The following DISC1 variants were observed in gnomAD, a reference collection of about 807,000 sequenced individuals.
DISC1 encodes disrupted in schizophrenia 1 protein.
A neutral mutation model predicts 84.5 loss-of-function variants in DISC1; 57 were observed. The ratio of observed to expected loss-of-function variants is 0.67; its 90% CI spans 0.55 to 0.84. The LOEUF (loss-of-function observed/expected upper bound fraction) is 0.84. Ranked by LOEUF, DISC1 falls within the 40% of genes least tolerant of loss-of-function variation. DISC1 has a pLI of 0.00. For synonymous variants in DISC1, 411 were observed against 415.2 expected (o/e 0.99, Z 0.12); for missense variants, 1,000 against 1,057.8 (o/e 0.95, Z 0.76).
At chr1:231,919,308 T>C (rs547388148) in intron 9 of DISC1, among the ~76,000 whole-genome samples, 1 of 152,336 alleles carries the variant, frequency 6.6e-6, no homozygotes, top group Non-Finnish European at 1.5e-5. Context: ...GAAACACCAT[T>C]CATTTGTGTT....
chr1:231,950,094 T>C (rs1174965580), intron 9 of DISC1, among the ~76,000 whole-genome samples: 3 of 152,188 alleles, frequency 2.0e-5, no homozygotes, highest in Non-Finnish European at 2.9e-5. Context: ...CAAGTGTGGA[T>C]TGGGGCTTGT....
chr1:231,839,254 G>A (rs2082850599), intron 9 of DISC1, among the ~76,000 whole-genome samples: 1 of 152,150 alleles, frequency 6.6e-6, no homozygotes, highest in Non-Finnish European at 1.5e-5. Context: ...TAGCAGCTGT[G>A]TAACTTTGGG....
chr1:231,904,367 T>C (rs1289176592), intron 9 of DISC1, among the ~76,000 whole-genome samples: 1 of 152,134 alleles, frequency 6.6e-6, no homozygotes, highest in Admixed American at 6.5e-5. Context: ...TAGTCCTAAA[T>C]ATATTAGGTC....
intron 9 of DISC1, among the ~76,000 whole-genome samples, chr1:231,906,312 A>G (rs2088634874): frequency 6.6e-6 from 1 of 152,192 alleles, no homozygotes; most frequent in African/African-American, 2.4e-5. Flanking sequence ...ATGAGTCACC[A>G]TGCCCGGTCA....
intron 9 of DISC1, among the ~76,000 whole-genome samples, chr1:231,956,098 A>T (rs1307955506): frequency 6.6e-6 from 1 of 152,062 alleles, no homozygotes. Context: ...CTGCCCCCCA[A>T]TGTGGAGGGA....
intron 11 of DISC1, among the ~76,000 whole-genome samples, chr1:232,014,367 C>T (rs1043162479): frequency 6.6e-6 from 1 of 152,184 alleles, no homozygotes; most frequent in African/African-American, 2.4e-5. Context: ...TGTTCACTTA[C>T]CCATCAGCTG....
intron 8 of DISC1, among the ~76,000 whole-genome samples, chr1:231,802,351 T>C (rs1329196472): frequency 1.3e-5 from 2 of 152,174 alleles, no homozygotes; most frequent in African/African-American, 2.4e-5. Flanking sequence ...CCTGCATTCA[T>C]TCTTCTTGCC....
rs557284394 is a variant in DISC1 at position 231,986,621 on chromosome 1, A to G, written c.2043-22164A>G. 1.3e-3 allele frequency among the ~76,000 whole-genome samples: 196 copies of G among 152,318 alleles called. 1 individual carries two copies. Among genetic ancestry groups the G allele is most frequent in the East Asian group, 4.6e-3 (24 of 5,182 alleles). On this transcript the variant is annotated intron_variant, in intron 10 of 12. Coordinates refer to ENST00000439617, the MANE Select transcript of DISC1 (RefSeq NM_018662.3). The stretch of plus-strand genomic sequence containing the variant: ...ACAGAGAAGTAAATATTTGCTACAA[A>G]ATGTCTTTCTGCTGCCTTGAAAATG...
chr1:231,947,973 G>A (rs1301482178), intron 9 of DISC1, among the ~76,000 whole-genome samples: 1 of 152,204 alleles, frequency 6.6e-6, no homozygotes, highest in Non-Finnish European at 1.5e-5. Flanking sequence ...TGCTGGAGAG[G>A]GAGTGGGGAA....
intron 1 of DISC1, among the ~76,000 whole-genome samples, chr1:231,686,107 T>C (rs2064239832): frequency 6.6e-6 from 1 of 152,172 alleles, no homozygotes; most frequent in African/African-American, 2.4e-5. Flanking sequence ...CCAGCTGCTT[T>C]CACAGGTTGG....
At chr1:231,747,826 G>T (rs557545684) in intron 3 of DISC1, among the ~76,000 whole-genome samples, 1 of 152,062 alleles carries the variant, frequency 6.6e-6, no homozygotes, top group East Asian at 1.9e-4. Context: ...GATAGAGATT[G>T]CACTGTTATT....
At chr1:231,842,970 T>C (rs1346566536) in intron 9 of DISC1, among the ~76,000 whole-genome samples, 1 of 152,178 alleles carries the variant, frequency 6.6e-6, no homozygotes, top group African/African-American at 2.4e-5. Context: ...AGTGAGCCAC[T>C]ACGTGCCGGG....
At chr1:231,720,868 A>G in intron 3 of DISC1, 1 of 1,290,952 alleles carries the variant, frequency 7.7e-7, no homozygotes, top group South Asian at 1.2e-5. Flanking sequence ...GGAAGTTGCT[A>G]CCAGTCATCT....
At chr1:231,756,679 G>A (rs1376055569) in intron 4 of DISC1, among the ~76,000 whole-genome samples, 1 of 152,138 alleles carries the variant, frequency 6.6e-6, no homozygotes, top group African/African-American at 2.4e-5. Context: ...CCTTGGATAG[G>A]AGGTCATTTC....
intron 9 of DISC1, among the ~76,000 whole-genome samples, chr1:231,938,909 CAGAA>C (rs1453834617): frequency 1.3e-5 from 2 of 152,136 alleles, no homozygotes; most frequent in Non-Finnish European, 2.9e-5. Context: ...CTGACAAAAC[CAGAA>C]ACCTTGAGTC....
chr1:231,893,361 G>T (rs905239928), intron 9 of DISC1, among the ~76,000 whole-genome samples: 1 of 152,152 alleles, frequency 6.6e-6, no homozygotes, highest in African/African-American at 2.4e-5. Context: ...GCAATATAAA[G>T]AGGACTATCT....
intron 5 of DISC1, 122 bp from the exon 6 acceptor site, chr1:231,770,711 CAG>C: frequency 6.6e-7 from 1 of 1,505,658 alleles, no homozygotes; most frequent in Non-Finnish European, 9.0e-7. Context: ...CTGCCTGCCT[CAG>C]AAGGGGAGTT....
chr1:231,764,990 G>T (rs111994672), intron 4 of DISC1, among the ~76,000 whole-genome samples: 414 of 152,154 alleles, frequency 2.7e-3, no homozygotes, highest in African/African-American at 9.5e-3. Context: ...AGGAGATCGA[G>T]ACCATCCTGG....
chr1:231,914,542 A>T (rs1380320428), intron 9 of DISC1, among the ~76,000 whole-genome samples: 2 of 152,138 alleles, frequency 1.3e-5, no homozygotes, highest in Admixed American at 6.5e-5. Context: ...GTGGCCTCCA[A>T]CTTTTATCCT....
Sources: allele counts gnomAD v4.1 joint callset (sites outside exome capture counted in the v4.1 genomes callset), GRCh38; gene constraint gnomAD v4.1.1; transcripts MANE v1.5; gene names NCBI Gene and HGNC (gene_info 2026-07-23, HGNC 2026-07-21).